The following NAV2 variants were observed in gnomAD, a reference collection of about 807,000 sequenced individuals.
NAV2 encodes helicase, APC down-regulated 1.
A neutral mutation model predicts 223.2 loss-of-function variants in NAV2; 54 were observed. That is an observed-to-expected ratio of 0.24 (90% CI 0.19 to 0.30). NAV2 has a LOEUF of 0.30. Ranked by LOEUF, NAV2 falls within the 10% of genes least tolerant of loss-of-function variation. The pLI is 1.00. For missense variants in NAV2, 2,806 were observed against 3,147.5 expected (o/e 0.89, Z 2.60); for synonymous variants, 1,279 against 1,239.3 (o/e 1.03, Z -0.67).
intron 11 of NAV2, among the ~76,000 whole-genome samples, chr11:19,995,447 G>A (rs1228007177): frequency 6.6e-6 from 1 of 152,220 alleles, no homozygotes; most frequent in Admixed American, 6.5e-5. Flanking sequence ...GCCCCCTCTT[G>A]TGCAGGCAGC....
intron 1 of NAV2, among the ~76,000 whole-genome samples, chr11:19,737,388 C>T (rs1443397777): frequency 6.6e-6 from 1 of 152,188 alleles, no homozygotes; most frequent in Non-Finnish European, 1.5e-5. Context: ...CCCATACTTT[C>T]ACGGATCTTA....
intron 11 of NAV2, among the ~76,000 whole-genome samples, chr11:19,992,583 CTTT>C (rs780559920): frequency 1.9e-5 from 2 of 103,578 alleles, no homozygotes; most frequent in African/African-American, 3.7e-5. Flanking sequence ...TCCTGAAGTA[CTTT>C]TTTTTTTTTT....
chr11:19,812,579 C>T (rs757322552), intron 1 of NAV2, among the ~76,000 whole-genome samples: 1 of 151,956 alleles, frequency 6.6e-6, no homozygotes, highest in Non-Finnish European at 1.5e-5. Flanking sequence ...TAAATAATTA[C>T]AAGAGTAATG....
At chr11:20,038,004 T>G (rs2056562856) in intron 12 of NAV2, among the ~76,000 whole-genome samples, 1 of 151,960 alleles carries the variant, frequency 6.6e-6, no homozygotes, top group Non-Finnish European at 1.5e-5. Flanking sequence ...ATCCATGAGG[T>G]TTCCATTTTT....
chr11:19,668,636 T>C (rs563715529), intron 1 of NAV2, among the ~76,000 whole-genome samples: 13 of 148,856 alleles, frequency 8.7e-5, no homozygotes, highest in Admixed American at 8.1e-4. Flanking sequence ...CAATCCAGGG[T>C]GGGGCACACT....
intron 1 of NAV2, among the ~76,000 whole-genome samples, chr11:19,823,231 C>T (rs1164842306): frequency 6.6e-6 from 1 of 152,038 alleles, no homozygotes; most frequent in African/African-American, 2.4e-5. Context: ...TTTTGAGATG[C>T]ATTTTCACTT....
At chr11:19,371,435 G>T (rs552925126) in intron 1 of NAV2, among the ~76,000 whole-genome samples, 1 of 152,226 alleles carries the variant, frequency 6.6e-6, no homozygotes, top group South Asian at 2.1e-4. Context: ...GAAGCAACTT[G>T]CCCGAGACCC....
intron 8 of NAV2, among the ~76,000 whole-genome samples, chr11:19,940,129 A>T (rs953323762): frequency 6.6e-6 from 1 of 152,174 alleles, no homozygotes; most frequent in Non-Finnish European, 1.5e-5. Context: ...TTGCTTTTCA[A>T]CAAGATTTAG....
intron 1 of NAV2, among the ~76,000 whole-genome samples, chr11:19,832,130 G>T (rs1409811594): frequency 1.3e-5 from 2 of 152,186 alleles, no homozygotes; most frequent in East Asian, 1.9e-4. Flanking sequence ...GGGAAGGGGT[G>T]GGGGAGACTT....
upstream of NAV2, among the ~76,000 whole-genome samples, chr11:19,347,550 C>T (rs1853072942): frequency 2.0e-5 from 3 of 152,178 alleles, no homozygotes; most frequent in Admixed American, 2.0e-4. Flanking sequence ...AGAAGATCTT[C>T]AGTAAGAGTG....
At chr11:19,540,682 G>C (rs1024091701) in intron 1 of NAV2, among the ~76,000 whole-genome samples, 9 of 152,208 alleles carry the variant, frequency 5.9e-5, no homozygotes, top group African/African-American at 1.9e-4. Context: ...TGCTGTAGCT[G>C]CTCCCCCTGA....
chr11:20,033,767 A>T (rs2056040138), intron 11 of NAV2, among the ~76,000 whole-genome samples: 1 of 152,150 alleles, frequency 6.6e-6, no homozygotes, highest in African/African-American at 2.4e-5. Flanking sequence ...AGAGCTCAAG[A>T]TGTACAGGCA....
chr11:19,512,193 G>A (rs151176638), intron 1 of NAV2, among the ~76,000 whole-genome samples: 250 of 152,294 alleles, frequency 1.6e-3, no homozygotes, highest in Non-Finnish European at 2.7e-3. Context: ...GGTGGAAAGA[G>A]GGGAGGGTCT....
At chr11:19,415,788 A>C (rs1850341629) in intron 1 of NAV2, among the ~76,000 whole-genome samples, 1 of 152,236 alleles carries the variant, frequency 6.6e-6, no homozygotes, top group South Asian at 2.1e-4. Flanking sequence ...GCCTGGTTCA[A>C]CATACACAAA....
chr11:19,539,415 G>T (rs762647840), intron 1 of NAV2, among the ~76,000 whole-genome samples: 4 of 152,266 alleles, frequency 2.6e-5, no homozygotes, highest in African/African-American at 4.8e-5. Flanking sequence ...TATCCAATTA[G>T]GGTAGCTCAG....
At chr11:19,692,237 G>A (rs1055039448) in intron 1 of NAV2, among the ~76,000 whole-genome samples, 6 of 152,230 alleles carry the variant, frequency 3.9e-5, no homozygotes, top group Admixed American at 1.3e-4. Context: ...GAACTAGAAC[G>A]AAGTCCGCAA....
At chr11:19,862,373 G>A (rs1010089107) in intron 3 of NAV2, among the ~76,000 whole-genome samples, 4 of 152,280 alleles carry the variant, frequency 2.6e-5, no homozygotes, top group East Asian at 3.9e-4. Context: ...TGTCCAGCCC[G>A]TGATTCCCAC....
intron 1 of NAV2, among the ~76,000 whole-genome samples, chr11:19,801,886 G>A (rs187579022): frequency 8.5e-5 from 13 of 152,202 alleles, no homozygotes; most frequent in Admixed American, 2.6e-4. Flanking sequence ...CATGTAGTAC[G>A]GTGTATGCCA....
chr11:19,795,277 C>T (rs576238929), intron 1 of NAV2, among the ~76,000 whole-genome samples: 19 of 152,282 alleles, frequency 1.2e-4, no homozygotes, highest in African/African-American at 4.3e-4. Context: ...TTTGGAATTC[C>T]CCAGAACATT....
Sources: allele counts gnomAD v4.1 joint callset (sites outside exome capture counted in the v4.1 genomes callset), GRCh38; gene constraint gnomAD v4.1.1; transcripts MANE v1.5; gene names NCBI Gene and HGNC (gene_info 2026-07-23, HGNC 2026-07-21).